The following IL1RAPL1 variants were observed in gnomAD, a reference collection of about 807,000 sequenced individuals.
IL1RAPL1 encodes interleukin-1 receptor accessory protein-like 1.
In IL1RAPL1, 3 loss-of-function variants were observed where a neutral mutation model predicts 48.4. The ratio of observed to expected loss-of-function variants is 0.06; its 90% confidence interval spans 0.03 to 0.16. The LOEUF is 0.16. IL1RAPL1 is among the 10% of genes least tolerant of loss of function. The pLI is 1.00. For missense variants in IL1RAPL1, 349 were observed against 530.6 expected (o/e 0.66, Z 3.36); for synonymous variants, 185 against 187.7 (o/e 0.99, Z 0.12).
At chrX:29,777,596 A>G (rs150408670) in intron 6 of IL1RAPL1, among the ~76,000 whole-genome samples, 17 of 111,732 alleles carry the variant, frequency 1.5e-4, no homozygotes, top group African/African-American at 5.5e-4. Flanking sequence ...TAGCAAATCC[A>G]TAAAGAATCT....
In IL1RAPL1 at chrX:29,190,153, G is replaced by A. The variant is rs1019406356; in HGVS notation, c.83-92785G>A. On this transcript the variant is annotated intron_variant, in intron 2 of 10. Transcript: ENST00000378993. ...ATGTATGCAAAGTGTGATGTATACT[G>A]ACTAGTACTTAATGCAAATTTAATA... Among the ~76,000 whole-genome samples the A allele has an allele frequency of 4.5e-5, 5 of 111,737 alleles. No homozygotes were observed. In the South Asian group the frequency reaches 1.9e-3, roughly 42 times the overall value.
At chrX:29,548,189 G>A (rs773136535) in intron 5 of IL1RAPL1, among the ~76,000 whole-genome samples, 1 of 112,611 alleles carries the variant, frequency 8.9e-6, no homozygotes, top group South Asian at 3.7e-4. Context: ...TTATGCAAAT[G>A]AAGAGAGCAG....
At chrX:29,899,421 A>G (rs1932455065) in intron 6 of IL1RAPL1, among the ~76,000 whole-genome samples, 1 of 111,660 alleles carries the variant, frequency 9.0e-6, no homozygotes, top group Non-Finnish European at 1.9e-5. Flanking sequence ...CCAATATTAG[A>G]ATGGACTGAG....
chrX:28,815,691 G>A (rs951533333), intron 2 of IL1RAPL1, among the ~76,000 whole-genome samples: 1 of 102,446 alleles, frequency 9.8e-6, no homozygotes, highest in African/African-American at 3.5e-5. Context: ...CCACATATGA[G>A]TGAAAACATG....
chrX:29,092,558 GA>G (rs1417645484), intron 2 of IL1RAPL1, among the ~76,000 whole-genome samples: 2 of 111,077 alleles, frequency 1.8e-5, no homozygotes, highest in Admixed American at 9.6e-5. Flanking sequence ...TTTCATAAAT[GA>G]AAAAAACTAG....
intron 1 of IL1RAPL1, among the ~76,000 whole-genome samples, chrX:28,728,285 G>A (rs189361234): frequency 1.7e-3 from 187 of 111,254 alleles, no homozygotes; most frequent in African/African-American, 5.8e-3. Context: ...GAAAGATTAC[G>A]TTTTCAACAG....
intron 6 of IL1RAPL1, among the ~76,000 whole-genome samples, chrX:29,711,037 G>T (rs1162450339): frequency 3.9e-5 from 3 of 76,222 alleles, no homozygotes; most frequent in Non-Finnish European, 7.5e-5. Flanking sequence ...TTTTATCCAT[G>T]AGCATGGTGT....
intron 5 of IL1RAPL1, among the ~76,000 whole-genome samples, chrX:29,596,399 A>T (rs935474688): frequency 8.9e-6 from 1 of 111,939 alleles, no homozygotes. Context: ...ATCATCTATG[A>T]TTTCTTTCAG....
chrX:28,774,641 C>T (rs1416699762), intron 1 of IL1RAPL1, among the ~76,000 whole-genome samples: 1 of 111,788 alleles, frequency 8.9e-6, no homozygotes, highest in African/African-American at 3.3e-5. Flanking sequence ...TGTTTTATAA[C>T]TTAATCTCAG....
intron 1 of IL1RAPL1, among the ~76,000 whole-genome samples, chrX:28,746,390 T>C (rs905907275): frequency 1.3e-4 from 15 of 111,786 alleles, no homozygotes; most frequent in Admixed American, 9.5e-5. Flanking sequence ...AGCGGTAGAA[T>C]GGGTTGAAAA....
At chrX:29,502,140 G>A (rs1935282074) in intron 5 of IL1RAPL1, among the ~76,000 whole-genome samples, 1 of 111,041 alleles carries the variant, frequency 9.0e-6, no homozygotes, top group Non-Finnish European at 1.9e-5. Context: ...TGCTGTTGGT[G>A]TATATAAATG....
intron 2 of IL1RAPL1, among the ~76,000 whole-genome samples, chrX:29,011,798 C>A (rs1388933732): frequency 8.9e-6 from 1 of 112,440 alleles, no homozygotes; most frequent in Non-Finnish European, 1.9e-5. Flanking sequence ...TATAAGTCTA[C>A]AAAGCTATTT....
At chrX:29,046,573 T>C (rs188499234) in intron 2 of IL1RAPL1, among the ~76,000 whole-genome samples, 27 of 111,799 alleles carry the variant, frequency 2.4e-4, no homozygotes, top group Admixed American at 1.9e-4. Flanking sequence ...TTACCCAGAA[T>C]CATATAGCCA....
chrX:28,636,676 G>T (rs920051430), intron 1 of IL1RAPL1, among the ~76,000 whole-genome samples: 1 of 111,279 alleles, frequency 9.0e-6, no homozygotes, highest in African/African-American at 3.3e-5. Flanking sequence ...TATACCTCTG[G>T]ACCTCATGGC....
chrX:29,493,905 A>AT (rs1345668770), intron 5 of IL1RAPL1, among the ~76,000 whole-genome samples: 6 of 110,011 alleles, frequency 5.5e-5, no homozygotes, highest in Non-Finnish European at 1.1e-4. Flanking sequence ...GCTTAGTATC[A>AT]TTTTTTTGAA....
Position 28,919,408 on chromosome X carries a change from TCTC to T in IL1RAPL1, c.82+129987_82+129989del, listed in dbSNP as rs201820046. Among the ~76,000 whole-genome samples the T allele has an allele frequency of 9.9e-3, 1,112 of 111,912 alleles. 8 individuals are homozygous for T. The highest frequency in any genetic ancestry group is 0.013 in the Non-Finnish European group (684 of 53,119). On this transcript the variant is annotated intron_variant, in intron 2 of 10. Coordinates refer to ENST00000378993, the MANE Select transcript of IL1RAPL1 (RefSeq NM_014271.4). The stretch of plus-strand genomic sequence containing the variant: ...CTCTTCTCCCATAAAATTAACATCA[TCTC>T]CTCAAAAAGATGCTTACGATATATG...
At chrX:29,076,802 G>C in intron 2 of IL1RAPL1, among the ~76,000 whole-genome samples, 1 of 97,272 alleles carries the variant, frequency 1.0e-5, no homozygotes, top group Non-Finnish European at 2.1e-5. Context: ...CTGTCTGTCT[G>C]TCTATCTATC....
chrX:28,628,605 G>A (rs1934366933), intron 1 of IL1RAPL1, among the ~76,000 whole-genome samples: 1 of 112,282 alleles, frequency 8.9e-6, no homozygotes, highest in Non-Finnish European at 1.9e-5. Flanking sequence ...TTAAGCAGCT[G>A]AGCCCTTTAT....
intron 2 of IL1RAPL1, among the ~76,000 whole-genome samples, chrX:28,851,155 C>A (rs922694652): frequency 9.4e-6 from 1 of 106,863 alleles, no homozygotes; most frequent in African/African-American, 3.4e-5. Context: ...AGACGTGACA[C>A]CCTGCTATTT....
Sources: gnomAD v4.1 joint callset for allele counts (sites outside exome capture counted in the v4.1 genomes callset) on GRCh38, gnomAD v4.1.1 for gene constraint, MANE v1.5 for transcripts, NCBI Gene and HGNC (gene_info 2026-07-23, HGNC 2026-07-21) for gene names.